The following MAP4 variants were observed in gnomAD, a reference collection of about 807,000 sequenced individuals.
MAP4 encodes microtubule-associated protein 4.
A neutral mutation model predicts 170.2 loss-of-function variants in MAP4; 76 were observed. The ratio of observed to expected loss-of-function variants is 0.45; its 90% CI spans 0.37 to 0.54. The LOEUF (loss-of-function observed/expected upper bound fraction) is 0.54. Ranked by LOEUF, MAP4 falls within the 20% of genes least tolerant of loss-of-function variation. MAP4 has a pLI of 0.00. For missense variants in MAP4, 2,506 were observed against 2,748.0 expected, an observed-to-expected ratio of 0.91 and a Z score of 1.97; for synonymous variants, 909 against 994.5, an observed-to-expected ratio of 0.91 and a Z score of 1.62.
rs1217981419 is a variant in MAP4, at chr3:48,062,195, T to C, written c.-20+26578A>G. 2.0e-5 allele frequency among the ~76,000 whole-genome samples: 3 copies of C among 152,170 alleles called. No homozygotes were observed. In the East Asian group the frequency reaches 5.8e-4, roughly 29 times the overall value. ...TTGGGATGCTGTTGATCTATGACCT[T>C]ACCCCCAACCCGGTGCTCTCTGAAA... On this transcript the variant is annotated intron_variant, in intron 1 of 18. Coordinates refer to the MAP4 transcript ENST00000360240.
At chr3:47,929,611 T>G (rs964507813) in intron 3 of MAP4, among the ~76,000 whole-genome samples, 4 of 113,172 alleles carry the variant, frequency 3.5e-5, no homozygotes, top group African/African-American at 1.4e-4. Flanking sequence ...CGTAGCTCAC[T>G]TGCTAACTTA....
At chr3:47,892,192 G>A (rs1183090572) in intron 10 of MAP4, 3 of 1,536,252 alleles carry the variant, frequency 2.0e-6, no homozygotes, top group Non-Finnish European at 2.6e-6. Context: ...GGTGACCTGA[G>A]GCTTCTTGAC....
intron 1 of MAP4, among the ~76,000 whole-genome samples, chr3:48,064,044 A>C (rs975174640): frequency 6.6e-6 from 1 of 152,162 alleles, no homozygotes; most frequent in African/African-American, 2.4e-5. Context: ...GCCCAAACTA[A>C]CTTTGTTTGG....
chr3:47,933,289 A>G (rs1261620115), intron 3 of MAP4, among the ~76,000 whole-genome samples: 5 of 152,164 alleles, frequency 3.3e-5, no homozygotes, highest in African/African-American at 1.2e-4. Flanking sequence ...TAATAAAAAA[A>G]TGTTCTAACG....
At chr3:47,937,164 T>G (rs2100053447) in intron 3 of MAP4, among the ~76,000 whole-genome samples, 2 of 152,128 alleles carry the variant, frequency 1.3e-5, no homozygotes, top group African/African-American at 4.8e-5. Context: ...AAATTAATTC[T>G]GAGACTTTTG....
chr3:47,999,845 TAAAA>T (rs10707358), intron 1 of MAP4, among the ~76,000 whole-genome samples: 3 of 147,920 alleles, frequency 2.0e-5, no homozygotes, highest in Non-Finnish European at 3.0e-5. Context: ...AAATAAAGTT[TAAAA>T]AAAAAAAAAA....
intron 6 of MAP4, among the ~76,000 whole-genome samples, chr3:47,917,751 C>T (rs1284432446): frequency 6.6e-6 from 1 of 152,066 alleles, no homozygotes; most frequent in Non-Finnish European, 1.5e-5. Flanking sequence ...AAAAATAACA[C>T]GGGCACAGAA....
chr3:47,867,123 T>C, intron 17 of MAP4, 123 bp downstream of exon 17: 1 of 668,018 alleles, frequency 1.5e-6, no homozygotes, highest in Non-Finnish European at 2.6e-6. Flanking sequence ...GCTAGTCTGC[T>C]TCTTACAGAA....
At position 48,083,096 on chromosome 3, in the gene MAP4, T is replaced by C. The variant is rs899910679; in HGVS notation, c.-20+5677A>G. ...TCTAAATGCAATGTGGTATCCTGGA[T>C]TGGATCCTGTAACAGGAAAAGGACA... On this transcript the variant is annotated intron_variant, in intron 1 of 18. Transcript: ENST00000360240. 2.0e-5 allele frequency among the ~76,000 whole-genome samples: 3 copies of C among 152,126 alleles called. No homozygotes were observed. In the East Asian group the frequency reaches 5.8e-4, roughly 29 times the overall value.
rs56923064 is a variant in MAP4, at chr3:47,881,446, C to CTATA, written c.5435-3927_5435-3924dup. ...CAGCCTGGGCAACAAGAAAAAACAACTATATATATATATATATATATATAT... is the reference window on the plus strand; with the variant it reads ...CAGCCTGGGCAACAAGAAAAAACAACTATATATATATATATATATATATATATAT... On this transcript the variant is annotated intron_variant, in intron 10 of 20. Transcript: ENST00000683076. Among the ~76,000 whole-genome samples, 355 of 49,202 alleles carry CTATA rather than the reference C, an allele frequency of 7.2e-3. 8 individuals carry two copies. Among genetic ancestry groups the CTATA allele is most frequent in the Non-Finnish European group, 8.6e-3 (228 of 26,546 alleles). 32.3% of individuals were successfully genotyped at this position (49,202 alleles called of 152,430 possible).
chr3:47,977,186 G>A lies in MAP4; in HGVS notation c.292+679C>T, dbSNP rs141879049. On this transcript the variant is annotated intron_variant, in intron 3 of 20. Coordinates refer to ENST00000683076, the MANE Select transcript of MAP4 (RefSeq NM_001385682.1). ...GCAGGTATTTATGAAAATAAAACAC[G>A]CAACTCTCACATCAGCTACTTAAGA... Among the ~76,000 whole-genome samples, 22 of 152,202 alleles carry A rather than the reference G, an allele frequency of 1.4e-4. No homozygotes were observed. In the East Asian group the frequency reaches 2.1e-3, roughly 15 times the overall value.
chr3:48,006,219 G>A (rs2100102222), intron 1 of MAP4, among the ~76,000 whole-genome samples: 1 of 137,352 alleles, frequency 7.3e-6, no homozygotes, highest in African/African-American at 2.6e-5. Flanking sequence ...GAATGAAGGG[G>A]AGGCCAGGTA....
chr3:47,869,924 C>A (rs1171877517), intron 15 of MAP4, among the ~76,000 whole-genome samples: 1 of 152,206 alleles, frequency 6.6e-6, no homozygotes, highest in Non-Finnish European at 1.5e-5. Context: ...GTCGCTACCA[C>A]AAGCAACTCT....
At chr3:47,858,671 T>C (rs777984502) in intron 17 of MAP4, among the ~76,000 whole-genome samples, 1 of 151,710 alleles carries the variant, frequency 6.6e-6, no homozygotes, top group African/African-American at 2.4e-5. Flanking sequence ...GCTTAATCCA[T>C]GTTATAACAA....
intron 3 of MAP4, chr3:47,973,469 A>G (rs1023641242): frequency 1.0e-6 from 1 of 985,310 alleles, no homozygotes; most frequent in Non-Finnish European, 1.2e-6. Context: ...TTTCAAAATG[A>G]AACGTCCAAG....
intron 1 of MAP4, among the ~76,000 whole-genome samples, chr3:48,061,873 C>T (rs7633363): frequency 0.14 from 16,888 of 121,052 alleles, 2,954 homozygotes; most frequent in African/African-American, 0.43. Flanking sequence ...CCACCCCGTC[C>T]GGGAGGTGGG....
intron 1 of MAP4, among the ~76,000 whole-genome samples, chr3:48,062,574 T>C (rs1425988621): frequency 7.8e-6 from 1 of 128,380 alleles, no homozygotes; most frequent in African/African-American, 2.9e-5. Flanking sequence ...AAAAATAAAA[T>C]AATGTTTAAA....
chr3:47,977,981 A>T, intron 2 of MAP4, 48 bp from the exon 3 acceptor site: 1 of 1,228,728 alleles, frequency 8.1e-7, no homozygotes, highest in South Asian at 1.2e-5. Context: ...AGAAAAATGA[A>T]AAACAGATCC....
Position 47,974,156 on chromosome 3 carries a change from T to C in MAP4, c.292+3709A>G, listed in dbSNP as rs372652871. The C allele has an allele frequency of 1.1e-4, 106 of 980,508 alleles. No individual in the cohort carries two copies. The African/African-American group carries it at 1.7e-3, about 16-fold the overall frequency. 60.7% of individuals were successfully genotyped at this position (980,508 alleles called of 1,614,324 possible). On this transcript the variant is annotated intron_variant, in intron 3 of 20. Coordinates refer to ENST00000683076, the MANE Select transcript of MAP4 (RefSeq NM_001385682.1). The stretch of plus-strand genomic sequence containing the variant: ...ACAATGTATATCTGGCCAGGCACAG[T>C]GTCTCACACCTGTAATCCCAGCACT...
Sources: gnomAD v4.1 joint callset for allele counts (sites outside exome capture counted in the v4.1 genomes callset) on GRCh38, gnomAD v4.1.1 for gene constraint, MANE v1.5 for transcripts, NCBI Gene and HGNC (gene_info 2026-07-23, HGNC 2026-07-21) for gene names.